The following PVR variants were observed in gnomAD, a reference collection of about 807,000 sequenced individuals.
PVR encodes PVR cell adhesion molecule, also known as poliovirus receptor.
Under a neutral mutation model 43.3 loss-of-function variants are expected in PVR, and 39 were observed. The ratio of observed to expected loss-of-function variants is 0.90; its 90% CI spans 0.70 to 1.18. The LOEUF (loss-of-function observed/expected upper bound fraction) is 1.18. Among genes scored for constraint, PVR ranks in the 50% most tolerant of loss-of-function variants. The pLI, the probability that PVR is intolerant of heterozygous loss-of-function variation, is 0.00. For missense variants in PVR, 480 were observed against 549.7 expected, an observed-to-expected ratio of 0.87 and a Z score of 1.27; for synonymous variants, 224 against 233.2, an observed-to-expected ratio of 0.96 and a Z score of 0.36.
rs35959395 is a variant in PVR at position 44,649,841 on chromosome 19, G to C, written c.460G>C (p.Val154Leu). ...CCAGAACACAGCTGAGGTTCAGAAG[G>C]TCCAGCTCACTGGAGAGCCAGTGCC... Reference protein sequence around the residue: ...KPQNTAEVQKVQLTGEPVPMA... With the variant: ...KPQNTAEVQKLQLTGEPVPMA... The change falls in exon 3 of 8, where the codon GTC becomes CTC. Residue 154 changes from valine to leucine, a missense_variant. Physicochemically the swap from Val to Leu is conservative, Grantham distance 32. Transcript: ENST00000425690. 2.0e-3 allele frequency: 3,271 copies of C among 1,614,046 alleles called. 7 individuals are homozygous for C. The highest frequency in any genetic ancestry group is 2.5e-3 in the South Asian group (229 of 91,048).
chr19:44,645,411 T>TTATATATATATATATA (rs1973082797), intron 1 of PVR, among the ~76,000 whole-genome samples: 1 of 49,320 alleles, frequency 2.0e-5, no homozygotes, highest in African/African-American at 1.3e-4. Flanking sequence ...TTTATATGTT[T>TTATATATATATATATA]TGTGTATATA....
intron 6 of PVR, 94 bp from the exon 7 acceptor site, chr19:44,661,198 T>G: frequency 8.1e-7 from 1 of 1,229,094 alleles, no homozygotes; most frequent in Non-Finnish European, 1.2e-6. Context: ...GAGGCAGAAC[T>G]TGACATTTTC....
intron 6 of PVR, 84 bp from the exon 7 acceptor site, chr19:44,661,208 C>A: frequency 1.5e-6 from 2 of 1,343,812 alleles, no homozygotes; most frequent in South Asian, 1.2e-5. Context: ...TTGACATTTT[C>A]AGGGCCCTGA....
In PVR at chr19:44,650,109, A is replaced by G. The variant is rs756708300; in HGVS notation, c.724+4A>G. The G allele has an allele frequency of 1.2e-5, 18 of 1,515,090 alleles. No homozygotes were observed. Among genetic ancestry groups the G allele is most frequent in the Non-Finnish European group, 1.6e-5 (18 of 1,130,632 alleles). The allele number at this position is 1,515,090 out of a possible 1,614,324, so 93.9% of individuals were successfully genotyped here. On this transcript the variant is annotated splice_donor_region_variant and intron_variant, in intron 3 of 7. Coordinates refer to ENST00000425690, the MANE Select transcript of PVR (RefSeq NM_006505.5). ...ACTGTGAACCTCACCGTGTACTGTG[A>G]GTGTGCCCAAGTCAGCGATGGCAAG...
intron 3 of PVR, among the ~76,000 whole-genome samples, chr19:44,653,325 A>G (rs994703984): frequency 1.1e-4 from 17 of 151,914 alleles, no homozygotes; most frequent in African/African-American, 3.9e-4. Flanking sequence ...CAATTGGTAC[A>G]CAGATTCCCT....
Position 44,664,585 on chromosome 19 carries a change from T to A in PVR, c.*2774T>A, listed in dbSNP as rs1973664219. On this transcript the variant is annotated 3_prime_UTR_variant, in exon 8 of 8. Transcript: ENST00000425690. ...CCTGAGTTGTTCTACACCCACCTCA[T>A]ATTCCATGGGAGGGCTGTACAGGGC... 1 of 152,160 alleles carries A rather than the reference T, an allele frequency of 6.6e-6. No homozygotes were observed. The allele number at this position is 152,160 out of a possible 1,614,324, so 9.4% of individuals were successfully genotyped here.
chr19:44,659,391 CAG>C (rs984917616), intron 6 of PVR, among the ~76,000 whole-genome samples: 16 of 152,214 alleles, frequency 1.1e-4, no homozygotes, highest in Admixed American at 1.0e-3. Flanking sequence ...ATTCTGTAAT[CAG>C]AGGAACGATG....
In PVR at chr19:44,664,558, C is replaced by T. The variant is rs1193344153; in HGVS notation, c.*2747C>T. On this transcript the variant is annotated 3_prime_UTR_variant, in exon 8 of 8. Coordinates refer to ENST00000425690, the MANE Select transcript of PVR (RefSeq NM_006505.5). ...CAGTTTCTGGTAATTCAGAGAATGC[C>T]TCCTGAGTTGTTCTACACCCACCTC... 1 of 152,004 alleles carries T rather than the reference C, an allele frequency of 6.6e-6. No individual in the cohort carries two copies. The highest frequency in any genetic ancestry group is 6.6e-5 in the Admixed American group (1 of 15,244). 9.4% of individuals were successfully genotyped at this position (152,004 alleles called of 1,614,324 possible).
chr19:44,647,454 G>A lies in PVR; in HGVS notation c.311G>A (p.Arg104Gln), dbSNP rs1488522097. The A allele has an allele frequency of 4.3e-6, 7 of 1,613,972 alleles. No individual in the cohort carries two copies. The highest frequency in any genetic ancestry group is 2.2e-5 in the East Asian group (1 of 44,874). ...GCAGCCAGACTGGGCGCGGAGCTGC[G>A]GAATGCCTCGCTGAGGATGTTCGGG... ...FVAARLGAEL[R>Q]NASLRMFGLR... Residue 104 changes from arginine to glutamine, a missense_variant, in exon 2 of 8, where the codon CGG becomes CAG. Arg to Gln is a conservative substitution (Grantham distance 43). Transcript: ENST00000425690.
chr19:44,644,208 G>C (rs1296989739), intron 1 of PVR, 33 bp downstream of exon 1: 1 of 1,450,216 alleles, frequency 6.9e-7, no homozygotes, highest in Non-Finnish European at 9.0e-7. Flanking sequence ...GGTGGCCCCT[G>C]TCTGGCTCCC....
rs1308592849 is a variant in PVR at position 44,665,834 on chromosome 19, T to G, written c.*4023T>G. 1 of 152,028 alleles carries G rather than the reference T, an allele frequency of 6.6e-6. No individual in the cohort carries two copies. The highest frequency in any genetic ancestry group is 1.5e-5 in the Non-Finnish European group (1 of 68,068). 9.4% of individuals were successfully genotyped at this position (152,028 alleles called of 1,614,324 possible). A position where few individuals can be genotyped will look rare whatever the true frequency, so the allele number is the denominator to read the frequency against. On this transcript the variant is annotated 3_prime_UTR_variant, in exon 8 of 8. Transcript: ENST00000425690. The stretch of plus-strand genomic sequence containing the variant: ...GAGAAGCTGCCCATCCCTACCTGGG[T>G]GAGCCTTTGTAGGAACGAGAAACCG...
chr19:44,648,108 T>G (rs1361481686), intron 2 of PVR, among the ~76,000 whole-genome samples: 2 of 152,192 alleles, frequency 1.3e-5, no homozygotes, highest in Non-Finnish European at 2.9e-5. Flanking sequence ...GCACTTATTA[T>G]GTGCCATTCT....
At chr19:44,655,017 G>T (rs1424367306) in intron 4 of PVR, among the ~76,000 whole-genome samples, 1 of 152,112 alleles carries the variant, frequency 6.6e-6, no homozygotes, top group Non-Finnish European at 1.5e-5. Flanking sequence ...CAAGAGCAAG[G>T]TAAGAAAAAG....
intron 1 of PVR, 146 bp from the exon 2 acceptor site, chr19:44,647,077 T>TCCCCCACCCCCCCCCCCC: frequency 6.4e-6 from 2 of 311,374 alleles, no homozygotes; most frequent in Non-Finnish European, 1.1e-5. Flanking sequence ...GTGCCCCAGT[T>TCCCCCACCCCCCCCCCCC]CCCCCTCCCC....
rs950786520 is a variant in PVR, at chr19:44,644,046, C to T, written c.-51C>T. 2.3e-5 allele frequency: 33 copies of T among 1,461,698 alleles called. 1 individual carries two copies. The highest frequency in any genetic ancestry group is 3.0e-5 in the Non-Finnish European group (33 of 1,100,654). The allele number at this position is 1,461,698 out of a possible 1,614,324, so 90.5% of individuals were successfully genotyped here. Reference sequence around the variant, plus strand: ...CGACCGCGGCAGAGCGAGCGGGCGCCGGGAAGCGAGGAGACGCCCGCGGGA... The same window carrying T: ...CGACCGCGGCAGAGCGAGCGGGCGCTGGGAAGCGAGGAGACGCCCGCGGGA... On this transcript the variant is annotated 5_prime_UTR_variant, in exon 1 of 8. Transcript: ENST00000425690.
chr19:44,644,108 C>G lies in PVR; in HGVS notation c.12C>G (p.Ala4=), dbSNP rs1192599398. The change falls in exon 1 of 8, where the codon GCC becomes GCG. Residue 4 remains alanine (A), a synonymous_variant. Coordinates refer to ENST00000425690, the MANE Select transcript of PVR (RefSeq NM_006505.5). MAR[A]MAAAWPLLLV... ...TCGGAGCAACTGGCATGGCCCGAGC[C>G]ATGGCCGCCGCGTGGCCGCTGCTGC... 1 of 1,518,386 alleles carries G rather than the reference C, an allele frequency of 6.6e-7. No homozygotes were observed. The highest frequency in any genetic ancestry group is 2.0e-5 in the Admixed American group (1 of 49,544). 94.1% of individuals were successfully genotyped at this position (1,518,386 alleles called of 1,614,324 possible).
In PVR at chr19:44,661,611, C is replaced by T. The variant is rs1973592801; in HGVS notation, c.1183-129C>T. 5 of 837,068 alleles carry T rather than the reference C, an allele frequency of 6.0e-6. No homozygotes were observed. The South Asian group carries it at 6.3e-5, about 11-fold the overall frequency. The allele number at this position is 837,068 out of a possible 1,614,324, so 51.9% of individuals were successfully genotyped here. ...CCACCCATGGCCACACCTTGAGAAG[C>T]ACTGCCCTGGCTTCCAGGGAGAGAG... is the stretch of plus-strand genomic sequence containing the variant. On this transcript the variant is annotated intron_variant, in intron 7 of 7. Coordinates refer to ENST00000425690, the MANE Select transcript of PVR (RefSeq NM_006505.5).
At chr19:44,648,266 A>G (rs1488445917) in intron 2 of PVR, among the ~76,000 whole-genome samples, 2 of 152,208 alleles carry the variant, frequency 1.3e-5, no homozygotes, top group African/African-American at 4.8e-5. Flanking sequence ...TGAGCCCCTT[A>G]GAGCTGTCGG....
At position 44,644,114 on chromosome 19, in the gene PVR, C is replaced by T; in HGVS notation, c.18C>T (p.Ala6=). The T allele has an allele frequency of 1.3e-6, 2 of 1,518,378 alleles. No individual in the cohort carries two copies. The highest frequency in any genetic ancestry group is 1.2e-5 in the South Asian group (1 of 82,220). 94.1% of individuals were successfully genotyped at this position (1,518,378 alleles called of 1,614,324 possible). The change falls in exon 1 of 8, where the codon GCC becomes GCT. Residue 6 remains alanine, a synonymous_variant. Coordinates refer to ENST00000425690, the MANE Select transcript of PVR (RefSeq NM_006505.5). ...CAACTGGCATGGCCCGAGCCATGGC[C>T]GCCGCGTGGCCGCTGCTGCTGGTGG... is the stretch of plus-strand genomic sequence containing the variant. MARAM[A]AAWPLLLVAL...
Sources: gnomAD v4.1 joint callset for allele counts (sites outside exome capture counted in the v4.1 genomes callset) on GRCh38, gnomAD v4.1.1 for gene constraint, MANE v1.5 for transcripts, NCBI Gene and HGNC (gene_info 2026-07-23, HGNC 2026-07-21) for gene names.